Variants in ZNF778 observed in about 807,000 individuals in gnomAD.
ZNF778 encodes the protein zinc finger protein 778.
Under a neutral mutation model 23.9 loss-of-function variants are expected in ZNF778, and 37 were observed. That is an observed-to-expected ratio of 1.54 (90% CI 1.19 to 2.03). The LOEUF is 2.03. Ranked by LOEUF, ZNF778 falls within the 30% of genes most tolerant of loss-of-function variation. The pLI, the probability that ZNF778 is intolerant of heterozygous loss-of-function variation, is 0.00. For synonymous variants in ZNF778, 483 were observed against 343.9 expected (o/e 1.40, Z -4.48); for missense variants, 1,297 against 934.4 (o/e 1.39, Z -5.06).
At chr16:89,218,037 C>G (rs1256906465) in intron 1 of ZNF778, 127 bp downstream of exon 1, 1 of 152,206 alleles carries the variant, frequency 6.6e-6, no homozygotes, top group Non-Finnish European at 1.5e-5. Flanking sequence ...TAAGGTAGAC[C>G]CCTGAGCGCC....
At position 89,229,282 on chromosome 16, in the gene ZNF778, C is replaced by G. The variant is rs892684191; in HGVS notation, c.*720C>G. The G allele has an allele frequency of 2.3e-5, 23 of 985,068 alleles. No homozygotes were observed. The African/African-American group carries it at 4.0e-4, about 17-fold the overall frequency. The allele number at this position is 985,068 out of a possible 1,614,324, so 61.0% of individuals were successfully genotyped here. On this transcript the variant is annotated 3_prime_UTR_variant, in exon 7 of 7. Coordinates refer to ENST00000433976, the MANE Select transcript of ZNF778 (RefSeq NM_001201407.2). ...GCAGCGTAGGCTCTGGTTGGTTAGT[C>G]TTGAGGATCCAGATGTGATTCTGTG...
rs185096789 is a variant in ZNF778, at chr16:89,227,703, C to G, written c.1415C>G (p.Thr472Ser). 1.0e-4 allele frequency: 164 copies of G among 1,614,192 alleles called. No individual in the cohort carries two copies. Among genetic ancestry groups the G allele is most frequent in the Non-Finnish European group, 1.3e-4 (154 of 1,180,028 alleles). ...SGLTEHVRTH[T>S]GEKPYECKDC... ...CTTACTGAGCATGTAAGGACTCACA[C>G]TGGAGAGAAACCATATGAATGTAAA... Residue 472 changes from threonine (T) to serine (S), a missense_variant, in exon 7 of 7, where the codon ACT (threonine) becomes AGT (serine). Coordinates refer to ENST00000433976, the MANE Select transcript of ZNF778 (RefSeq NM_001201407.2).
chr16:89,224,869 G>A lies in ZNF778; in HGVS notation c.328+67G>A, dbSNP rs2031325267. On this transcript the variant is annotated intron_variant, in intron 5 of 6. Coordinates refer to ENST00000433976, the MANE Select transcript of ZNF778 (RefSeq NM_001201407.2). The stretch of plus-strand genomic sequence containing the variant: ...GCTGTGGGAGGATCCTGAGTGTCAA[G>A]TTTAGCGGCTATGGAAGGATTGTGT... The A allele has an allele frequency of 4.8e-5, 54 of 1,134,456 alleles. No homozygotes were observed. In the South Asian group the frequency reaches 5.8e-4, roughly 12 times the overall value. 70.3% of individuals were successfully genotyped at this position (1,134,456 alleles called of 1,614,324 possible). A position where few individuals can be genotyped will look rare whatever the true frequency, so the allele number is the denominator to read the frequency against.
At position 89,228,111 on chromosome 16, in the gene ZNF778, TA is replaced by T; in HGVS notation, c.1824del (p.Arg609GlufsTer28). The T allele has an allele frequency of 1.2e-6, 2 of 1,612,922 alleles. No individual in the cohort carries two copies. The highest frequency in any genetic ancestry group is 1.7e-4 in the Middle Eastern group (1 of 6,060). ...FTVSSSLTEHIRTHTGEKPYE... is the reference protein window; with the variant it reads ...FTVSSSLTEHXRTHTGEKPYE... ...GTTTCTTCGAGCCTAACCGAGCACA[TA>T]CGAACTCACACTGGAGAGAAACCTT... On this transcript the variant is annotated frameshift_variant, in exon 7 of 7. Coordinates refer to ENST00000433976, the MANE Select transcript of ZNF778 (RefSeq NM_001201407.2). LOFTEE classifies it low-confidence loss of function (END_TRUNC).
At chr16:89,223,086 C>T (rs745911912) in intron 3 of ZNF778, 71 bp from the exon 4 acceptor site, 63 of 1,554,158 alleles carry the variant, frequency 4.1e-5, no homozygotes, top group Non-Finnish European at 5.2e-5. Context: ...CGTAGGGCCC[C>T]GCCTCCTCAT....
Position 89,234,828 on chromosome 16 carries a change from A to C in ZNF778, c.*6266A>C, listed in dbSNP as rs566677197. The C allele has an allele frequency of 6.6e-6, 1 of 152,406 alleles. No homozygotes were observed. The highest frequency in any genetic ancestry group is 2.1e-4 in the South Asian group (1 of 4,838). 9.4% of individuals were successfully genotyped at this position (152,406 alleles called of 1,614,324 possible). A position where few individuals can be genotyped will look rare whatever the true frequency, so the allele number is the denominator to read the frequency against. ...CTCCTTGGGAGGCTGAGGCAGGAGA[A>C]TTGCTTGAAGATGGGAAGCACAGAT... On this transcript the variant is annotated 3_prime_UTR_variant, in exon 7 of 7. Coordinates refer to ENST00000433976, the MANE Select transcript of ZNF778 (RefSeq NM_001201407.2).
intron 5 of ZNF778, among the ~76,000 whole-genome samples, 161 bp downstream of exon 5, chr16:89,224,963 G>A (rs1211126619): frequency 5.2e-5 from 1 of 19,072 alleles, no homozygotes; most frequent in East Asian, 1.1e-3. Context: ...CTGAGTGCAC[G>A]TTTTAAGATG....
chr16:89,219,362 G>A (rs2030693273), intron 1 of ZNF778, among the ~76,000 whole-genome samples: 1 of 152,164 alleles, frequency 6.6e-6, no homozygotes, highest in South Asian at 2.1e-4. Flanking sequence ...TGCTTCCTAT[G>A]AACTTGTAAT....
intron 3 of ZNF778, among the ~76,000 whole-genome samples, chr16:89,222,601 T>G (rs2031064841): frequency 6.6e-6 from 1 of 152,202 alleles, no homozygotes; most frequent in Non-Finnish European, 1.5e-5. Context: ...TGATCTCAAG[T>G]GATCCACCCG....
At chr16:89,220,430 G>A (rs1478124851) in intron 1 of ZNF778, among the ~76,000 whole-genome samples, 1 of 152,152 alleles carries the variant, frequency 6.6e-6, no homozygotes, top group Non-Finnish European at 1.5e-5. Flanking sequence ...GGCCGAGGTG[G>A]GCGGATCACG....
At chr16:89,221,193 G>C in intron 2 of ZNF778, 41 bp downstream of exon 2, 2 of 1,466,844 alleles carry the variant, frequency 1.4e-6, no homozygotes, top group East Asian at 5.3e-5. Context: ...CTCTGCTCTA[G>C]GTCCTGATAC....
In ZNF778 at chr16:89,229,014, T is replaced by C; in HGVS notation, c.*452T>C. On this transcript the variant is annotated 3_prime_UTR_variant, in exon 7 of 7. Coordinates refer to ENST00000433976, the MANE Select transcript of ZNF778 (RefSeq NM_001201407.2). ...GTCGCTTCCCTGTGTTCTAAAACCTTGTGGGCTAACTTGAGACATGTCTTT... is the reference window on the plus strand; with the variant it reads ...GTCGCTTCCCTGTGTTCTAAAACCTCGTGGGCTAACTTGAGACATGTCTTT... The C allele has an allele frequency of 1.0e-6, 1 of 992,948 alleles. No homozygotes were observed. The highest frequency in any genetic ancestry group is 4.6e-5 in the South Asian group (1 of 21,978). 61.5% of individuals were successfully genotyped at this position (992,948 alleles called of 1,614,324 possible).
rs1384332827 is a variant in ZNF778 at position 89,228,691 on chromosome 16, G to A, written c.*129G>A. 6.1e-6 allele frequency: 9 copies of A among 1,471,068 alleles called. No individual in the cohort carries two copies. Among genetic ancestry groups the A allele is most frequent in the Non-Finnish European group, 8.1e-6 (9 of 1,115,964 alleles). The allele number at this position is 1,471,068 out of a possible 1,614,324, so 91.1% of individuals were successfully genotyped here. A position where few individuals can be genotyped will look rare whatever the true frequency, so the allele number is the denominator to read the frequency against. On this transcript the variant is annotated 3_prime_UTR_variant, in exon 7 of 7. Transcript: ENST00000433976. ...ATCAGCATCTCATCACAACCCGGCA[G>A]GCAGGAACTCACCCTGGAGCCCTAT...
chr16:89,222,172 A>C lies in ZNF778; in HGVS notation c.106A>C (p.Asn36His). The change falls in exon 3 of 7, where the codon AAT (asparagine) becomes CAT (histidine). Residue 36 changes from asparagine (N) to histidine (H), a missense_variant. Transcript: ENST00000433976. ...AAGMVAGWLI[N>H]CYQDAVTFDD... ...AGGGATGGTGGCTGGCTGGCTGATA[A>C]ATTGTTACCAGGTATGCCAAAACTG... 6.2e-7 allele frequency: 1 copy of C among 1,604,930 alleles called. No individual in the cohort carries two copies. Among genetic ancestry groups the C allele is most frequent in the Non-Finnish European group, 8.5e-7 (1 of 1,174,270 alleles).
At position 89,227,631 on chromosome 16, in the gene ZNF778, C is replaced by G. The variant is rs1416162149; in HGVS notation, c.1343C>G (p.Pro448Arg). Residue 448 changes from proline to arginine, a missense_variant, in exon 7 of 7, where the codon CCA becomes CGA. By Grantham distance (103) the Pro-to-Arg change is moderately radical. Coordinates refer to ENST00000433976, the MANE Select transcript of ZNF778 (RefSeq NM_001201407.2). ...GTACGAACACACACGGGCGAGAAGC[C>G]ATACACGTGTAAGGACTGCGGGAAA... The part of the protein sequence containing the change: ...RHVRTHTGEK[P>R]YTCKDCGKAF... The G allele has an allele frequency of 6.2e-7, 1 of 1,614,024 alleles. No homozygotes were observed. Among genetic ancestry groups the G allele is most frequent in the African/African-American group, 1.3e-5 (1 of 74,928 alleles).
Position 89,233,824 on chromosome 16 carries a change from T to A in ZNF778, c.*5262T>A. 1 of 1,286,790 alleles carries A rather than the reference T, an allele frequency of 7.8e-7. No homozygotes were observed. The highest frequency in any genetic ancestry group is 1.0e-6 in the Non-Finnish European group (1 of 988,734). 79.7% of individuals were successfully genotyped at this position (1,286,790 alleles called of 1,614,324 possible). A position where few individuals can be genotyped will look rare whatever the true frequency, so the allele number is the denominator to read the frequency against. On this transcript the variant is annotated 3_prime_UTR_variant, in exon 7 of 7. Transcript: ENST00000433976. The stretch of plus-strand genomic sequence containing the variant: ...TCGCACTGCGTATGCAACTCAACTG[T>A]TGCAAGTACTTATTTCCGGCCACTT...
At chr16:89,221,251 C>A in intron 2 of ZNF778, 99 bp downstream of exon 2, 2 of 1,368,716 alleles carry the variant, frequency 1.5e-6, no homozygotes, top group South Asian at 2.5e-5. Context: ...AGTCACGCTC[C>A]GGGTTCCTAT....
intron 3 of ZNF778, among the ~76,000 whole-genome samples, chr16:89,222,799 G>T (rs2031084682): frequency 6.6e-6 from 1 of 152,254 alleles, no homozygotes; most frequent in Non-Finnish European, 1.5e-5. Context: ...CCACTTGTTT[G>T]TAGTGTGCTC....
chr16:89,218,534 G>C (rs2030583052), intron 1 of ZNF778, among the ~76,000 whole-genome samples: 1 of 152,246 alleles, frequency 6.6e-6, no homozygotes, highest in Non-Finnish European at 1.5e-5. Context: ...GCTCACGCCT[G>C]TAATCCCAGC....
Sources: gnomAD v4.1 joint callset for allele counts (sites outside exome capture counted in the v4.1 genomes callset) on GRCh38, gnomAD v4.1.1 for gene constraint, MANE v1.5 for transcripts, NCBI Gene and HGNC (gene_info 2026-07-23, HGNC 2026-07-21) for gene names.